CEP97: variants seen among roughly 807,000 people sequenced by gnomAD.
The protein encoded by CEP97 is centrosomal protein of 97 kDa.
Under a neutral mutation model 73.1 loss-of-function variants are expected in CEP97, and 43 were observed. That is an observed-to-expected ratio of 0.59 (90% confidence interval 0.46 to 0.76). CEP97 has a LOEUF of 0.76. CEP97 is among the 30% of genes least tolerant of loss of function. The pLI, the probability that CEP97 is intolerant of heterozygous loss-of-function variation, is 0.00. For missense variants in CEP97, 939 were observed against 1,014.0 expected (o/e 0.93, Z 1.00); for synonymous variants, 337 against 370.0 (o/e 0.91, Z 1.02).
intron 6 of CEP97, among the ~76,000 whole-genome samples, chr3:101,752,587 T>A (rs182605010): frequency 1.3e-5 from 2 of 152,226 alleles, no homozygotes; most frequent in African/African-American, 4.8e-5. Flanking sequence ...GAGGCTTTGT[T>A]CGTTTCTTTT....
At chr3:101,758,484 G>T (rs770940403) in intron 9 of CEP97, 61 bp downstream of exon 9, 4 of 1,576,510 alleles carry the variant, frequency 2.5e-6, no homozygotes, top group Non-Finnish European at 1.7e-6. Flanking sequence ...GATTCTTATA[G>T]TTGATTCAGA....
At chr3:101,729,633 G>A (rs1938028367) in intron 4 of CEP97, among the ~76,000 whole-genome samples, 1 of 151,910 alleles carries the variant, frequency 6.6e-6, no homozygotes, top group South Asian at 2.1e-4. Flanking sequence ...AGGCTAGAGT[G>A]TAGTAGTACA....
chr3:101,762,674 T>C (rs1473518562), intron 10 of CEP97, 114 bp downstream of exon 10: 1 of 703,430 alleles, frequency 1.4e-6, no homozygotes, highest in African/African-American at 1.9e-5. Flanking sequence ...AGGTTAAGGG[T>C]ATGGCTTGTG....
intron 10 of CEP97, among the ~76,000 whole-genome samples, chr3:101,764,488 G>A (rs577169931): frequency 6.6e-6 from 1 of 152,174 alleles, no homozygotes; most frequent in East Asian, 1.9e-4. Flanking sequence ...GTGGGTGCCT[G>A]TAATCCCAGC....
chr3:101,738,547 C>A (rs2466369), intron 6 of CEP97, among the ~76,000 whole-genome samples: 137,263 of 152,250 alleles, frequency 0.9, 61,950 homozygotes, highest in East Asian at 0.99. Flanking sequence ...TTAAAACCGC[C>A]CAACTACACG....
intron 8 of CEP97, 142 bp from the exon 9 acceptor site, chr3:101,757,492 T>C: frequency 2.6e-6 from 2 of 768,400 alleles, no homozygotes; most frequent in Non-Finnish European, 4.1e-6. Context: ...ATGTTTGGTT[T>C]GATGTTTTCG....
rs1205917095 is a variant in CEP97, at chr3:101,727,635, C to T, written c.345+94C>T. The T allele has an allele frequency of 1.3e-5, 13 of 991,962 alleles. No homozygotes were observed. In the Middle Eastern group the frequency reaches 2.2e-3, roughly 169 times the overall value. The allele number at this position is 991,962 out of a possible 1,614,324, so 61.4% of individuals were successfully genotyped here. The stretch of plus-strand genomic sequence containing the variant: ...TCAAATTAAAAAGTGAAAGTACCCA[C>T]TCCCACTCTCCAGGGATAATCTCTG... On this transcript the variant is annotated intron_variant, in intron 3 of 10. Coordinates refer to ENST00000341893, the MANE Select transcript of CEP97 (RefSeq NM_024548.4).
At chr3:101,755,321 C>A in intron 6 of CEP97, 109 bp from the exon 7 acceptor site, 1 of 893,280 alleles carries the variant, frequency 1.1e-6, no homozygotes, top group South Asian at 1.7e-5. Context: ...TTATGAAAAA[C>A]ATACAATGGT....
chr3:101,743,490 C>T (rs999698202), intron 6 of CEP97, among the ~76,000 whole-genome samples: 6 of 151,990 alleles, frequency 3.9e-5, no homozygotes, highest in South Asian at 2.1e-4. Context: ...CCGCCTCCTA[C>T]GCTGAAGGGA....
rs1395696232 is a variant in CEP97, at chr3:101,755,490, C to T, written c.789C>T (p.His263=). The change falls in exon 7 of 11, where the codon CAC becomes CAT. Residue 263 remains histidine (H), a synonymous_variant. Coordinates refer to ENST00000341893, the MANE Select transcript of CEP97 (RefSeq NM_024548.4). ...GKGRAYRPGQ[H]IQLVQYLATV... ...GGAGAGCATATCGGCCTGGCCAGCA[C>T]ATCCAGCTTGTCCAATATCTGGCTA... is the stretch of plus-strand genomic sequence containing the variant. 15 of 1,614,104 alleles carry T rather than the reference C, an allele frequency of 9.3e-6. No individual in the cohort carries two copies. Among genetic ancestry groups the T allele is most frequent in the Non-Finnish European group, 1.3e-5 (15 of 1,179,980 alleles).
intron 6 of CEP97, among the ~76,000 whole-genome samples, chr3:101,754,042 CTT>C (rs35323976): frequency 0.34 from 26,024 of 75,592 alleles, 4,533 homozygotes; most frequent in African/African-American, 0.43. Context: ...ATTTGGCCAT[CTT>C]TTTTTTTTTT....
intron 6 of CEP97, among the ~76,000 whole-genome samples, chr3:101,749,955 C>A (rs971456547): frequency 6.6e-6 from 1 of 151,376 alleles, no homozygotes; most frequent in Non-Finnish European, 1.5e-5. Flanking sequence ...TGCCTGTTCA[C>A]TGTGATGGTA....
intron 6 of CEP97, among the ~76,000 whole-genome samples, chr3:101,751,311 C>A (rs1938811903): frequency 6.6e-6 from 1 of 152,152 alleles, no homozygotes; most frequent in Non-Finnish European, 1.5e-5. Context: ...TTTACATTTG[C>A]TGAGGAGAGC....
rs1488546685 is a variant in CEP97, at chr3:101,762,494, A to T, written c.1827A>T (p.Lys609Asn). The T allele has an allele frequency of 6.2e-7, 1 of 1,606,468 alleles. No homozygotes were observed. The highest frequency in any genetic ancestry group is 8.5e-7 in the Non-Finnish European group (1 of 1,175,262). Residue 609 changes from lysine (K) to asparagine (N), a missense_variant, in exon 10 of 11, where the codon AAA becomes AAT. Lys to Asn is a moderately conservative substitution (Grantham distance 94, BLOSUM62 0). Transcript: ENST00000341893. ...CLTDEIRRLR[K>N]ERDEERIKKF... is the part of the protein sequence containing the mutation. ...TTTTGAATTATTGTAGATTACGAAAAGAAAGAGATGAAGAACGTATTAAAA... is the reference window on the plus strand; with the variant it reads ...TTTTGAATTATTGTAGATTACGAAATGAAAGAGATGAAGAACGTATTAAAA...
intron 6 of CEP97, among the ~76,000 whole-genome samples, chr3:101,752,414 T>G (rs1938859902): frequency 6.6e-6 from 1 of 152,198 alleles, no homozygotes; most frequent in African/African-American, 2.4e-5. Context: ...TGGCGTTCTC[T>G]GTATTTCCTG....
intron 4 of CEP97, among the ~76,000 whole-genome samples, chr3:101,729,827 A>G (rs1012189206): frequency 1.6e-4 from 24 of 151,206 alleles, no homozygotes; most frequent in African/African-American, 5.1e-4. Context: ...CAGTGGTGCA[A>G]TCTTGGCTCA....
intron 8 of CEP97, 47 bp from the exon 9 acceptor site, chr3:101,757,587 A>G: frequency 1.3e-6 from 2 of 1,527,256 alleles, no homozygotes; most frequent in Non-Finnish European, 1.8e-6. Flanking sequence ...ACATAACTAA[A>G]ATGTAAACAT....
chr3:101,728,506 C>T (rs1937976731), intron 3 of CEP97, among the ~76,000 whole-genome samples: 1 of 151,988 alleles, frequency 6.6e-6, no homozygotes, highest in Admixed American at 6.6e-5. Flanking sequence ...TCAGGCTGTC[C>T]ACCCACCTCG....
intron 6 of CEP97, among the ~76,000 whole-genome samples, chr3:101,745,409 C>G (rs1938582397): frequency 6.6e-6 from 1 of 151,900 alleles, no homozygotes; most frequent in Admixed American, 6.6e-5. Context: ...TAGATGCATG[C>G]CACCAGAAAA....
Sources: allele counts gnomAD v4.1 joint callset (sites outside exome capture counted in the v4.1 genomes callset), GRCh38; gene constraint gnomAD v4.1.1; transcripts MANE v1.5; gene names NCBI Gene and HGNC (gene_info 2026-07-23, HGNC 2026-07-21).